Variants in PACSIN1 observed in about 807,000 individuals in gnomAD.
PACSIN1 encodes protein kinase C and casein kinase substrate in neurons 1.
PACSIN1 carries 15 observed loss-of-function variants against 59.5 expected under a neutral mutation model. The ratio of observed to expected loss-of-function variants is 0.25; its 90% CI spans 0.17 to 0.39. The LOEUF is 0.39. Ranked by LOEUF, PACSIN1 falls within the 10% of genes least tolerant of loss-of-function variation. The probability of loss-of-function intolerance (pLI) is 1.00; values close to 1 mark genes in which losing one functional copy is unlikely to be tolerated. For missense variants in PACSIN1, 420 were observed against 580.2 expected (o/e 0.72, Z 2.84); for synonymous variants, 210 against 220.6 (o/e 0.95, Z 0.42).
In PACSIN1 at chr6:34,529,252, T is replaced by C; in HGVS notation, c.457-145T>C. 1 of 839,022 alleles carries C rather than the reference T, an allele frequency of 1.2e-6. No homozygotes were observed. The highest frequency in any genetic ancestry group is 1.9e-6 in the Non-Finnish European group (1 of 540,424). The allele number at this position is 839,022 out of a possible 1,614,324, so 52.0% of individuals were successfully genotyped here. ...TGGAGGAGCGCTGCTCCCGAACACCTGGAGCCAGGGCCTGCATCCCTTCTG... is the reference window on the plus strand; with the variant it reads ...TGGAGGAGCGCTGCTCCCGAACACCCGGAGCCAGGGCCTGCATCCCTTCTG... On this transcript the variant is annotated intron_variant, in intron 4 of 9. Transcript: ENST00000244458. This position sits in a 1 kb window ranked among gnomAD's most constrained non-coding sequence, Gnocchi z 6.3.
intron 1 of PACSIN1, among the ~76,000 whole-genome samples, chr6:34,507,568 C>T (rs1767134029): frequency 6.6e-6 from 1 of 151,234 alleles, no homozygotes; most frequent in African/African-American, 2.4e-5. Context: ...AAAAAACCCA[C>T]ATAACATGAG....
intron 1 of PACSIN1, among the ~76,000 whole-genome samples, chr6:34,473,448 T>C (rs1561954397): frequency 6.6e-6 from 1 of 152,170 alleles, no homozygotes. Context: ...CCAGGGCTGC[T>C]TCTCCTTGCA....
chr6:34,514,622 G>A lies in PACSIN1; in HGVS notation c.-63-11621G>A, dbSNP rs1025315519. On this transcript the variant is annotated intron_variant, in intron 1 of 9. Coordinates refer to ENST00000244458, the MANE Select transcript of PACSIN1 (RefSeq NM_020804.5). The surrounding 1 kb of genome is among the most constrained non-coding windows in gnomAD (Gnocchi z 4.4). ...GGGGATGGAGCAGGGCTTCCCAGTC[G>A]AGGGCGGCGGCCGAGCCTGTGTCCC... 6.6e-6 allele frequency among the ~76,000 whole-genome samples: 1 copy of A among 152,112 alleles called. No individual in the cohort carries two copies. Among genetic ancestry groups the A allele is most frequent in the Non-Finnish European group, 1.5e-5 (1 of 68,030 alleles).
At chr6:34,510,380 C>T (rs1190810739) in intron 1 of PACSIN1, among the ~76,000 whole-genome samples, 2 of 152,236 alleles carry the variant, frequency 1.3e-5, no homozygotes, top group African/African-American at 4.8e-5. Context: ...CCATGGCCTA[C>T]AAGGGCCTCT....
Position 34,529,399 on chromosome 6 carries a change from G to A in PACSIN1, c.459G>A (p.Leu153=). The A allele has an allele frequency of 6.2e-7, 1 of 1,614,118 alleles. No homozygotes were observed. Among genetic ancestry groups the A allele is most frequent in the Non-Finnish European group, 8.5e-7 (1 of 1,180,020 alleles). The change falls in exon 5 of 10, where the codon CTG becomes CTA. Residue 153 remains leucine, a splice_region_variant and synonymous_variant. Transcript: ENST00000244458. The surrounding 1 kb of genome is among the most constrained non-coding windows in gnomAD (Gnocchi z 6.3). ...TCCCTATTCCCCCCTCCCCACAGCTGGAGGCAGCCAAGAAGGCCTACCATT... is the reference window on the plus strand; with the variant it reads ...TCCCTATTCCCCCCTCCCCACAGCTAGAGGCAGCCAAGAAGGCCTACCATT... The part of the protein sequence containing the change: ...QKPWAKKMKE[L]EAAKKAYHLA...
chr6:34,519,130 G>C (rs571693466), intron 1 of PACSIN1, among the ~76,000 whole-genome samples: 115 of 152,298 alleles, frequency 7.6e-4, no homozygotes, highest in African/African-American at 2.7e-3. Context: ...GCCAGCCACA[G>C]AGGCTGGGGT....
chr6:34,528,600 C>T (rs768719908), intron 3 of PACSIN1, 42 bp from the exon 4 acceptor site: 2 of 1,453,676 alleles, frequency 1.4e-6, no homozygotes, highest in Non-Finnish European at 1.9e-6. Context: ...GGCCTCTGGG[C>T]AGGGGCAATG....
At chr6:34,478,804 G>A (rs1766676967) in intron 1 of PACSIN1, among the ~76,000 whole-genome samples, 1 of 152,052 alleles carries the variant, frequency 6.6e-6, no homozygotes, top group Non-Finnish European at 1.5e-5. Flanking sequence ...TTTTTGTGTT[G>A]TATAACAGAA....
chr6:34,491,440 C>T (rs542175692), intron 1 of PACSIN1, among the ~76,000 whole-genome samples: 1 of 152,084 alleles, frequency 6.6e-6, no homozygotes, highest in East Asian at 1.9e-4. Context: ...CTTCTGGGTC[C>T]CAGTGTTCAG....
rs758170898 is a variant in PACSIN1, at chr6:34,521,878, G to A, written c.-63-4365G>A. ...TGGGAAGAGGGAGAGAGCCACACAC[G>A]GTCTCACAGCCCATACATGAGAGAG... On this transcript the variant is annotated intron_variant, in intron 1 of 9. Transcript: ENST00000244458. This position sits in a 1 kb window ranked among gnomAD's most constrained non-coding sequence, Gnocchi z 4.3. 1.8e-4 allele frequency among the ~76,000 whole-genome samples: 28 copies of A among 152,108 alleles called. No individual in the cohort carries two copies. The highest frequency in any genetic ancestry group is 4.1e-4 in the South Asian group (2 of 4,826).
chr6:34,497,747 C>G (rs889773213), intron 1 of PACSIN1, among the ~76,000 whole-genome samples: 4 of 152,154 alleles, frequency 2.6e-5, no homozygotes, highest in Admixed American at 2.6e-4. Context: ...ATGCACCTGT[C>G]AAAGCAATGG....
rs1767591453 is a variant in PACSIN1, at chr6:34,531,454, C to G, written c.1038-146C>G. On this transcript the variant is annotated intron_variant, in intron 8 of 9. Coordinates refer to ENST00000244458, the MANE Select transcript of PACSIN1 (RefSeq NM_020804.5). The surrounding 1 kb of genome is among the most constrained non-coding windows in gnomAD (Gnocchi z 4.4). ...TGCATTTAAACATCGGTTTAAAGAGCTCATGAGGGTCACCCCTCCTATGTG... is the reference window on the plus strand; with the variant it reads ...TGCATTTAAACATCGGTTTAAAGAGGTCATGAGGGTCACCCCTCCTATGTG... 5 of 746,016 alleles carry G rather than the reference C, an allele frequency of 6.7e-6. No individual in the cohort carries two copies. The Admixed American group carries it at 1.3e-4, about 19-fold the overall frequency. 46.2% of individuals were successfully genotyped at this position (746,016 alleles called of 1,614,324 possible). A position where few individuals can be genotyped will look rare whatever the true frequency, so the allele number is the denominator to read the frequency against.
Position 34,496,151 on chromosome 6 carries a change from G to A in PACSIN1, c.-64+29881G>A, listed in dbSNP as rs889325639. 1.8e-4 allele frequency among the ~76,000 whole-genome samples: 28 copies of A among 152,310 alleles called. 1 individual carries two copies. Among genetic ancestry groups the A allele is most frequent in the Admixed American group, 1.4e-3 (21 of 15,304 alleles). ...GGCAGCCTATGGTGGGGAGGGTGAG[G>A]GACCAAAACCTGGCTGGAGAGGCCC... On this transcript the variant is annotated intron_variant, in intron 1 of 9. Transcript: ENST00000244458.
At chr6:34,504,276 A>ATGTGTGTG (rs1185603971) in intron 1 of PACSIN1, among the ~76,000 whole-genome samples, 309 of 100,086 alleles carry the variant, frequency 3.1e-3, no homozygotes, top group African/African-American at 0.015. Context: ...GTGTGTATAT[A>ATGTGTGTG]TATATATATA....
chr6:34,489,247 T>A (rs562258451), intron 1 of PACSIN1, among the ~76,000 whole-genome samples: 1 of 152,230 alleles, frequency 6.6e-6, no homozygotes, highest in Non-Finnish European at 1.5e-5. Flanking sequence ...GTGGAATGTC[T>A]AAATCAAGCT....
At chr6:34,527,187 G>GGGGGC in intron 2 of PACSIN1, 145 bp from the exon 3 acceptor site, 3 of 833,122 alleles carry the variant, frequency 3.6e-6, no homozygotes, top group Admixed American at 8.6e-5. Flanking sequence ...GCCGCGGGGC[G>GGGGGC]GGGGGCGGGG....
At chr6:34,476,241 G>A (rs1182762151) in intron 1 of PACSIN1, among the ~76,000 whole-genome samples, 4 of 152,216 alleles carry the variant, frequency 2.6e-5, no homozygotes, top group Admixed American at 2.0e-4. Context: ...TGCTAGCACT[G>A]TGCCAGGCTC....
At chr6:34,503,360 T>G (rs1177478947) in intron 1 of PACSIN1, among the ~76,000 whole-genome samples, 1 of 152,092 alleles carries the variant, frequency 6.6e-6, no homozygotes, top group Non-Finnish European at 1.5e-5. Flanking sequence ...GCATCTTTCA[T>G]ACTCCAATGC....
chr6:34,508,801 A>G (rs994020338), intron 1 of PACSIN1, among the ~76,000 whole-genome samples: 3 of 152,108 alleles, frequency 2.0e-5, no homozygotes, highest in Non-Finnish European at 4.4e-5. Context: ...TTAATATACC[A>G]GTTGTTCATT....
Sources: allele counts gnomAD v4.1 joint callset (sites outside exome capture counted in the v4.1 genomes callset), GRCh38; gene constraint gnomAD v4.1.1; non-coding constraint Gnocchi (gnomAD v3.1); transcripts MANE v1.5; gene names NCBI Gene and HGNC (gene_info 2026-07-23, HGNC 2026-07-21).